The following RAI1 variants were observed in gnomAD, a reference collection of about 807,000 sequenced individuals.
RAI1 encodes the protein retinoic acid induced 1.
RAI1 carries 9 observed loss-of-function variants against 123.8 expected under a neutral mutation model. That is an observed-to-expected ratio of 0.07 (90% confidence interval 0.04 to 0.13). RAI1 has a LOEUF of 0.13. Among genes scored for constraint, RAI1 ranks in the 10% least tolerant of loss-of-function variants. The probability of loss-of-function intolerance (pLI) is 1.00; values close to 1 mark genes in which losing one functional copy is unlikely to be tolerated. For synonymous variants in RAI1, 1,231 were observed against 1,127.3 expected (o/e 1.09, Z -1.84); for missense variants, 2,256 against 2,545.8 (o/e 0.89, Z 2.45).
At chr17:17,769,675 T>C (rs994579285) in intron 2 of RAI1, among the ~76,000 whole-genome samples, 1 of 152,162 alleles carries the variant, frequency 6.6e-6, no homozygotes, top group Non-Finnish European at 1.5e-5. Flanking sequence ...ATGGGCACAC[T>C]TCAGGCAGGG....
chr17:17,730,813 G>C (rs1365278643), intron 2 of RAI1, among the ~76,000 whole-genome samples: 2 of 152,262 alleles, frequency 1.3e-5, no homozygotes, highest in Admixed American at 1.3e-4. Flanking sequence ...TGGCCCAGGA[G>C]GGTAGGCTGG....
intron 2 of RAI1, among the ~76,000 whole-genome samples, chr17:17,786,757 G>T (rs1440820808): frequency 6.6e-6 from 1 of 152,212 alleles, no homozygotes; most frequent in Non-Finnish European, 1.5e-5. Flanking sequence ...GACAAGGCTG[G>T]GGCCAGACAG....
chr17:17,697,509 A>G (rs905523751), intron 1 of RAI1, among the ~76,000 whole-genome samples: 2 of 152,252 alleles, frequency 1.3e-5, no homozygotes, highest in Non-Finnish European at 2.9e-5. Flanking sequence ...GACCTGTTTC[A>G]CTTTACCTGT....
intron 2 of RAI1, among the ~76,000 whole-genome samples, chr17:17,782,626 T>TG (rs1290424559): frequency 1.1e-4 from 4 of 36,694 alleles, no homozygotes; most frequent in South Asian, 8.8e-4. Context: ...GGCGGGGGGT[T>TG]GGGGGGGCGA....
intron 2 of RAI1, among the ~76,000 whole-genome samples, chr17:17,785,450 C>A (rs1026842402): frequency 2.0e-5 from 3 of 152,210 alleles, no homozygotes; most frequent in African/African-American, 7.2e-5. Flanking sequence ...CAGAGGAAGT[C>A]TCTGCCCTCC....
In RAI1 at chr17:17,797,131, G is replaced by A; in HGVS notation, c.4183G>A (p.Gly1395Arg). 4 of 1,614,052 alleles carry A rather than the reference G, an allele frequency of 2.5e-6. No individual in the cohort carries two copies. Among genetic ancestry groups the A allele is most frequent in the Non-Finnish European group, 3.4e-6 (4 of 1,180,038 alleles). The change falls in exon 3 of 6, where the codon GGG (glycine) becomes AGG (arginine). Residue 1395 changes from glycine (G) to arginine (R), a missense_variant. Around this residue, in one of 7 missense-constraint regions of RAI1, gnomAD observed 410 missense variants for 374.6 expected, o/e 1.09. Transcript: ENST00000353383. ...CACCGGGCAGAAGCTCCCAACTTCTGGGGCTGATCCGTTATGCAGAAATCC... is the reference window on the plus strand; with the variant it reads ...CACCGGGCAGAAGCTCCCAACTTCTAGGGCTGATCCGTTATGCAGAAATCC... Reference protein sequence around the residue: ...VGTGQKLPTSGADPLCRNPTN... With the variant: ...VGTGQKLPTSRADPLCRNPTN...
At chr17:17,779,565 AG>A (rs1429547687) in intron 2 of RAI1, 1 of 153,426 alleles carries the variant, frequency 6.5e-6, no homozygotes, top group Non-Finnish European at 1.5e-5. Context: ...ACAGTTGAAG[AG>A]TGTGGCACAT....
At chr17:17,707,956 T>C (rs946553365) in intron 1 of RAI1, among the ~76,000 whole-genome samples, 1 of 152,152 alleles carries the variant, frequency 6.6e-6, no homozygotes, top group Non-Finnish European at 1.5e-5. Flanking sequence ...GCTGACTTAC[T>C]ATCTCACAGG....
chr17:17,787,800 G>C (rs1001467761), intron 2 of RAI1, among the ~76,000 whole-genome samples: 4 of 152,240 alleles, frequency 2.6e-5, no homozygotes, highest in African/African-American at 4.8e-5. Context: ...TGAACAGCAG[G>C]TGGGGCCAGG....
In RAI1 at chr17:17,688,988, C is replaced by T. The variant is rs58667361; in HGVS notation, c.-149+7195C>T. 4.1e-3 allele frequency among the ~76,000 whole-genome samples: 616 copies of T among 151,144 alleles called. 7 individuals carry two copies. Among genetic ancestry groups the T allele is most frequent in the East Asian group, 0.024 (123 of 5,112 alleles). Reference sequence around the variant, plus strand: ...TTTTTTTTTTTGAGCCGGAGTGTTGCTCTGTCGCCCAGACTGGAGTGCAGT... The same window carrying T: ...TTTTTTTTTTTGAGCCGGAGTGTTGTTCTGTCGCCCAGACTGGAGTGCAGT... On this transcript the variant is annotated intron_variant, in intron 1 of 5. Transcript: ENST00000353383.
intron 2 of RAI1, among the ~76,000 whole-genome samples, chr17:17,790,554 G>A (rs1293395429): frequency 6.6e-6 from 1 of 152,074 alleles, no homozygotes; most frequent in Non-Finnish European, 1.5e-5. Context: ...ACTGGTAATA[G>A]CACCCCCTCA....
intron 1 of RAI1, chr17:17,684,843 G>A (rs554052592): frequency 1.3e-5 from 2 of 152,018 alleles, no homozygotes; most frequent in East Asian, 3.9e-4. Flanking sequence ...GTTGTGTGGC[G>A]AAGTCCTTCA....
At position 17,690,963 on chromosome 17, in the gene RAI1, T is replaced by C. The variant is rs183251293; in HGVS notation, c.-149+9170T>C. On this transcript the variant is annotated intron_variant, in intron 1 of 5. Transcript: ENST00000353383. ...AGCAAATAGCTATGGGCAAACAGCA[T>C]TGATGCACAGCTGAGGTCATATGGG... Among the ~76,000 whole-genome samples, 483 of 152,326 alleles carry C rather than the reference T, an allele frequency of 3.2e-3. 6 individuals carry two copies. Among genetic ancestry groups the C allele is most frequent in the Admixed American group, 0.026 (405 of 15,294 alleles).
chr17:17,790,792 C>T (rs943000133), intron 2 of RAI1, among the ~76,000 whole-genome samples: 4 of 152,186 alleles, frequency 2.6e-5, no homozygotes, highest in African/African-American at 9.6e-5. Context: ...AAACATGCGC[C>T]TGGGGAGGGC....
chr17:17,762,914 T>C (rs1164402292), intron 2 of RAI1, among the ~76,000 whole-genome samples: 1 of 151,952 alleles, frequency 6.6e-6, no homozygotes, highest in Non-Finnish European at 1.5e-5. Context: ...GGCCCGATGA[T>C]TGGCAGAGTC....
intron 4 of RAI1, among the ~76,000 whole-genome samples, chr17:17,804,357 G>A (rs888156713): frequency 2.0e-5 from 3 of 152,106 alleles, no homozygotes; most frequent in Non-Finnish European, 4.4e-5. Flanking sequence ...ATGGAGGTAG[G>A]CCCAGGCTCC....
At chr17:17,773,672 G>A (rs893182397) in intron 2 of RAI1, among the ~76,000 whole-genome samples, 1 of 152,140 alleles carries the variant, frequency 6.6e-6, no homozygotes, top group Non-Finnish European at 1.5e-5. Context: ...CTCTCCTGAT[G>A]CCCAGCACAC....
At chr17:17,682,726 T>G (rs575312280) in intron 1 of RAI1, among the ~76,000 whole-genome samples, 21 of 152,228 alleles carry the variant, frequency 1.4e-4, no homozygotes, top group Non-Finnish European at 2.2e-4. Context: ...GGCCCCAGCT[T>G]CCTGGGGCGC....
chr17:17,793,383 G>A lies in RAI1; in HGVS notation c.435G>A (p.Leu145=), dbSNP rs2143001584. The change falls in exon 3 of 6, where the codon TTG becomes TTA. Residue 145 remains leucine, a synonymous_variant. Transcript: ENST00000353383. ...PAGVAKYDEN[L]MKKTAVPPSR... ...GGGTGGCCAAGTATGATGAGAACTT[G>A]ATGAAAAAGACAGCAGTGCCCCCCA... 6.2e-7 allele frequency: 1 copy of A among 1,613,474 alleles called. No homozygotes were observed. Among genetic ancestry groups the A allele is most frequent in the Non-Finnish European group, 8.5e-7 (1 of 1,179,938 alleles).
Sources: allele counts gnomAD v4.1 joint callset (sites outside exome capture counted in the v4.1 genomes callset), GRCh38; gene constraint gnomAD v4.1.1; regional missense constraint gnomAD v4.1.1; transcripts MANE v1.5; gene names NCBI Gene and HGNC (gene_info 2026-07-23, HGNC 2026-07-21).